Variants in ADAMTS6 observed in about 807,000 individuals in gnomAD.
The protein encoded by ADAMTS6 is ADAM metallopeptidase with thrombospondin type 1 motif 6, also known as A disintegrin and metalloproteinase with thrombospondin motifs 6.
In ADAMTS6, 23 loss-of-function variants were observed where a neutral mutation model predicts 144.3. The ratio of observed to expected loss-of-function variants is 0.16; its 90% confidence interval spans 0.11 to 0.23. The LOEUF (loss-of-function observed/expected upper bound fraction) is 0.23. ADAMTS6 is among the 10% of genes least tolerant of loss of function. The pLI is 1.00. For missense variants in ADAMTS6, 999 were observed against 1,379.6 expected (o/e 0.72, Z 4.37); for synonymous variants, 444 against 457.5 (o/e 0.97, Z 0.38).
intron 24 of ADAMTS6, among the ~76,000 whole-genome samples, chr5:65,167,534 G>A (rs1325084210): frequency 6.7e-6 from 1 of 148,728 alleles, no homozygotes; most frequent in Admixed American, 6.7e-5. Flanking sequence ...CTCATTTTAT[G>A]AGGCCAGCAT....
intron 7 of ADAMTS6, chr5:65,416,106 CG>C: frequency 5.1e-6 from 1 of 194,184 alleles, no homozygotes; most frequent in Non-Finnish European, 1.1e-5. Context: ...CCCTGACCTC[CG>C]GAAGGAGACT....
chr5:65,263,102 T>C, intron 12 of ADAMTS6, 140 bp from the exon 13 acceptor site: 1 of 1,095,196 alleles, frequency 9.1e-7, no homozygotes, highest in Admixed American at 2.2e-5. Flanking sequence ...GTTCTCTAAC[T>C]GTGTTTAGAC....
chr5:65,266,185 C>A (rs879643230), intron 12 of ADAMTS6, among the ~76,000 whole-genome samples: 4 of 151,792 alleles, frequency 2.6e-5, no homozygotes, highest in Non-Finnish European at 5.9e-5. Flanking sequence ...AGAATGCTCA[C>A]AAAATGTAGG....
At chr5:65,384,551 C>A (rs892615557) in intron 7 of ADAMTS6, among the ~76,000 whole-genome samples, 1 of 152,134 alleles carries the variant, frequency 6.6e-6, no homozygotes, top group Non-Finnish European at 1.5e-5. Context: ...CATGGGAGAC[C>A]TCATTAAGAT....
chr5:65,369,641 T>C (rs1189193627), intron 7 of ADAMTS6, among the ~76,000 whole-genome samples: 1 of 152,042 alleles, frequency 6.6e-6, no homozygotes, highest in East Asian at 1.9e-4. Flanking sequence ...TTCTAAGCAC[T>C]CATATAGCCT....
intron 11 of ADAMTS6, among the ~76,000 whole-genome samples, chr5:65,276,436 T>C (rs1561366017): frequency 1.3e-5 from 2 of 152,168 alleles, no homozygotes; most frequent in South Asian, 2.1e-4. Context: ...GAATCTCAAC[T>C]TGAATAAGAA....
chr5:65,360,362 C>T (rs62370660), intron 7 of ADAMTS6, among the ~76,000 whole-genome samples: 17,224 of 151,950 alleles, frequency 0.11, 1,058 homozygotes, highest in African/African-American at 0.16. Context: ...ACCCACCAGC[C>T]GCACCCACCT....
At chr5:65,252,415 G>A (rs1760257096) in intron 14 of ADAMTS6, among the ~76,000 whole-genome samples, 1 of 151,298 alleles carries the variant, frequency 6.6e-6, no homozygotes, top group Non-Finnish European at 1.5e-5. Context: ...CTAATTTTTT[G>A]TATTTTTAGT....
At chr5:65,400,329 G>A (rs974801004) in intron 7 of ADAMTS6, among the ~76,000 whole-genome samples, 9 of 151,968 alleles carry the variant, frequency 5.9e-5, no homozygotes, top group African/African-American at 1.9e-4. Context: ...TCCTACCTTT[G>A]CCTCCTGAAT....
In ADAMTS6 at chr5:65,170,789, C is replaced by G. The variant is rs145437081; in HGVS notation, c.3088-16G>C. ...GAGCAGAACACTAAATCCAAAGACA[C>G]AAAGAAACAAAATATTAATCTCAAC... On this transcript the variant is annotated splice_polypyrimidine_tract_variant and intron_variant, in intron 23 of 24. Coordinates refer to ENST00000381055, the MANE Select transcript of ADAMTS6 (RefSeq NM_197941.4). 1.9e-6 allele frequency: 3 copies of G among 1,599,618 alleles called. No homozygotes were observed. Among genetic ancestry groups the G allele is most frequent in the East Asian group, 2.2e-5 (1 of 44,574 alleles).
chr5:65,374,274 G>A (rs1751285746), intron 7 of ADAMTS6, among the ~76,000 whole-genome samples: 2 of 152,030 alleles, frequency 1.3e-5, no homozygotes, highest in East Asian at 3.9e-4. Context: ...TTAGGCAGGA[G>A]AAGGAAATAA....
chr5:65,166,060 T>C (rs1407078229), intron 24 of ADAMTS6, among the ~76,000 whole-genome samples: 1 of 145,540 alleles, frequency 6.9e-6, no homozygotes, highest in African/African-American at 2.5e-5. Context: ...ATGGACTAAA[T>C]TCTCCAATTA....
intron 7 of ADAMTS6, among the ~76,000 whole-genome samples, chr5:65,341,451 G>C (rs60574171): frequency 0.11 from 17,185 of 151,812 alleles, 1,051 homozygotes; most frequent in African/African-American, 0.15. Flanking sequence ...CAAGCCATTT[G>C]CTAGACTAAG....
Position 65,363,582 on chromosome 5 carries a change from C to T in ADAMTS6, c.1074-29497G>A, listed in dbSNP as rs558832648. 2.7e-3 allele frequency among the ~76,000 whole-genome samples: 406 copies of T among 152,200 alleles called. 3 individuals carry two copies. The highest frequency in any genetic ancestry group is 9.3e-3 in the African/African-American group (386 of 41,540). On this transcript the variant is annotated intron_variant, in intron 7 of 24. Transcript: ENST00000381055. ...TCATTTCAGACCAATATTTATTCTT[C>T]TTTTTGGCAACGAGTGTTTCAACAT... is the stretch of plus-strand genomic sequence containing the variant.
chr5:65,433,021 C>T (rs1409753409), intron 7 of ADAMTS6, among the ~76,000 whole-genome samples: 1 of 152,062 alleles, frequency 6.6e-6, no homozygotes, highest in African/African-American at 2.4e-5. Context: ...ATTTAGTTCC[C>T]CAAATGAGGC....
intron 9 of ADAMTS6, among the ~76,000 whole-genome samples, chr5:65,314,788 A>T (rs1357230310): frequency 2.0e-5 from 3 of 152,186 alleles, no homozygotes; most frequent in Non-Finnish European, 4.4e-5. Context: ...AGATAAACCT[A>T]AACTAAGAGA....
chr5:65,382,706 T>C (rs999742800), intron 7 of ADAMTS6, among the ~76,000 whole-genome samples: 7 of 152,230 alleles, frequency 4.6e-5, no homozygotes, highest in African/African-American at 1.7e-4. Flanking sequence ...CTCATTGCCC[T>C]TCACAGGTGA....
intron 8 of ADAMTS6, among the ~76,000 whole-genome samples, chr5:65,332,828 G>A (rs180811173): frequency 6.6e-6 from 1 of 152,202 alleles, no homozygotes; most frequent in Admixed American, 6.5e-5. Context: ...TTTGATGTGA[G>A]CTCGCTCAGC....
intron 9 of ADAMTS6, 99 bp from the exon 10 acceptor site, chr5:65,300,230 T>A: frequency 8.8e-7 from 1 of 1,131,630 alleles, no homozygotes; most frequent in Non-Finnish European, 1.3e-6. Flanking sequence ...CTTATCAACA[T>A]ATGCCTTCCA....
Sources: allele counts gnomAD v4.1 joint callset (sites outside exome capture counted in the v4.1 genomes callset), GRCh38; gene constraint gnomAD v4.1.1; transcripts MANE v1.5; gene names NCBI Gene and HGNC (gene_info 2026-07-23, HGNC 2026-07-21).